The following AGBL4 variants were observed in gnomAD, a reference collection of about 807,000 sequenced individuals.
The protein encoded by AGBL4 is AGBL carboxypeptidase 4, also known as cytosolic carboxypeptidase 6.
A neutral mutation model predicts 66.4 loss-of-function variants in AGBL4; 58 were observed. The observed-to-expected ratio is 0.87, with a 90% confidence interval of 0.71 to 1.09. AGBL4 has a LOEUF of 1.09. Among genes scored for constraint, AGBL4 ranks in the 50% least tolerant of loss-of-function variants. The pLI is 0.00. For synonymous variants in AGBL4, 234 were observed against 222.9 expected (o/e 1.05, Z -0.44); for missense variants, 579 against 631.0 (o/e 0.92, Z 0.88).
At chr1:49,937,997 G>C (rs1654285223) in intron 1 of AGBL4, among the ~76,000 whole-genome samples, 1 of 151,452 alleles carries the variant, frequency 6.6e-6, no homozygotes, top group Admixed American at 6.6e-5. Flanking sequence ...ACTAAAATCA[G>C]AGCAGAACTG....
At chr1:49,201,140 G>A (rs762127491) in intron 4 of AGBL4, among the ~76,000 whole-genome samples, 13 of 152,258 alleles carry the variant, frequency 8.5e-5, no homozygotes, top group Admixed American at 2.6e-4. Flanking sequence ...TATTAGATGG[G>A]CTTGAAAGAT....
intron 1 of AGBL4, among the ~76,000 whole-genome samples, chr1:49,892,050 G>A (rs1250225112): frequency 6.6e-6 from 1 of 152,156 alleles, no homozygotes; most frequent in Non-Finnish European, 1.5e-5. Context: ...CAGAGGGACA[G>A]AGCATGATGG....
Position 48,700,598 on chromosome 1 carries a change from C to T in AGBL4, c.635-37357G>A, listed in dbSNP as rs111431683. Among the ~76,000 whole-genome samples the T allele has an allele frequency of 3.3e-3, 508 of 152,300 alleles. 2 individuals are homozygous for T. The highest frequency in any genetic ancestry group is 0.011 in the African/African-American group (472 of 41,572). On this transcript the variant is annotated intron_variant, in intron 6 of 13. Transcript: ENST00000371839. ...TGTGTGGTCTCAACTGGCTGCCACACTATCTGCATGTCCCTCTGCTGTGTT... is the reference window on the plus strand; with the variant it reads ...TGTGTGGTCTCAACTGGCTGCCACATTATCTGCATGTCCCTCTGCTGTGTT...
intron 2 of AGBL4, among the ~76,000 whole-genome samples, chr1:49,735,412 C>T (rs565637717): frequency 2.7e-5 from 4 of 150,422 alleles, no homozygotes; most frequent in East Asian, 2.0e-4. Context: ...AGAATGCAGT[C>T]GGCCTCTAGA....
At chr1:49,948,830 A>C (rs1010627415) in intron 1 of AGBL4, among the ~76,000 whole-genome samples, 1 of 151,758 alleles carries the variant, frequency 6.6e-6, no homozygotes, top group Admixed American at 6.6e-5. Context: ...ACGGAACTAG[A>C]AAAAACAATT....
At chr1:49,493,594 A>G (rs1647269316) in intron 3 of AGBL4, among the ~76,000 whole-genome samples, 1 of 151,900 alleles carries the variant, frequency 6.6e-6, no homozygotes, top group Non-Finnish European at 1.5e-5. Context: ...AGCAGGACAC[A>G]TTCCAGGAAG....
intron 6 of AGBL4, among the ~76,000 whole-genome samples, chr1:48,719,235 G>A (rs1206844855): frequency 2.0e-5 from 3 of 152,078 alleles, no homozygotes; most frequent in Non-Finnish European, 4.4e-5. Context: ...CACCTCCATG[G>A]GCTGAGTGGT....
chr1:49,973,828 A>C (rs1238729827), intron 1 of AGBL4, among the ~76,000 whole-genome samples: 1 of 151,472 alleles, frequency 6.6e-6, no homozygotes, highest in Non-Finnish European at 1.5e-5. Flanking sequence ...GTGATACTTT[A>C]ACATGATTTT....
intron 5 of AGBL4, among the ~76,000 whole-genome samples, chr1:48,942,923 A>G (rs1656127843): frequency 6.6e-6 from 1 of 152,206 alleles, no homozygotes; most frequent in African/African-American, 2.4e-5. Flanking sequence ...TGGCATTTAG[A>G]TGGTATTGGC....
chr1:49,004,974 C>T (rs901489959), intron 5 of AGBL4, among the ~76,000 whole-genome samples: 5 of 152,142 alleles, frequency 3.3e-5, no homozygotes, highest in African/African-American at 1.2e-4. Flanking sequence ...CTGTTTCTCA[C>T]CTTGCAGTCC....
At chr1:49,586,169 T>G (rs1047916717) in intron 3 of AGBL4, among the ~76,000 whole-genome samples, 3 of 152,188 alleles carry the variant, frequency 2.0e-5, no homozygotes, top group African/African-American at 2.4e-5. Flanking sequence ...TAAAAAACAC[T>G]GTGTGTTAGG....
At chr1:49,041,812 A>T (rs1471155057) in intron 5 of AGBL4, among the ~76,000 whole-genome samples, 2 of 152,064 alleles carry the variant, frequency 1.3e-5, no homozygotes, top group Non-Finnish European at 2.9e-5. Flanking sequence ...TGTCTAGCCT[A>T]ATCTTCCAGT....
chr1:49,195,487 T>C (rs1020829937), intron 4 of AGBL4, among the ~76,000 whole-genome samples: 2 of 152,166 alleles, frequency 1.3e-5, no homozygotes, highest in African/African-American at 4.8e-5. Context: ...GATCCCATTC[T>C]TTTCTGGTTT....
At chr1:49,901,826 G>A (rs1649795478) in intron 1 of AGBL4, among the ~76,000 whole-genome samples, 1 of 152,076 alleles carries the variant, frequency 6.6e-6, no homozygotes. Flanking sequence ...GCACTGTACT[G>A]GTACAAAAAC....
At position 49,340,122 on chromosome 1, in the gene AGBL4, A is replaced by T. The variant is rs191336837; in HGVS notation, c.283-94258T>A. ...GTTCTTTTTTTTCCCTTCCACAGCG[A>T]TCTGCCCTCTGCTCCCATATCTAAT... On this transcript the variant is annotated intron_variant, in intron 3 of 13. Coordinates refer to ENST00000371839, the MANE Select transcript of AGBL4 (RefSeq NM_032785.4). 3.4e-4 allele frequency among the ~76,000 whole-genome samples: 52 copies of T among 151,668 alleles called. No homozygotes were observed. In the East Asian group the frequency reaches 9.1e-3, roughly 27 times the overall value.
chr1:49,277,449 CA>C (rs940139239), intron 3 of AGBL4, among the ~76,000 whole-genome samples: 3 of 152,056 alleles, frequency 2.0e-5, no homozygotes, highest in Non-Finnish European at 4.4e-5. Context: ...TTTGGACAAA[CA>C]AAGTCTTAGG....
intron 6 of AGBL4, among the ~76,000 whole-genome samples, chr1:48,672,393 G>A (rs140812079): frequency 6.6e-6 from 1 of 152,234 alleles, no homozygotes; most frequent in African/African-American, 2.4e-5. Context: ...ATGGATGAGG[G>A]AGCCAAGATA....
At chr1:49,696,475 T>C (rs974341663) in intron 3 of AGBL4, among the ~76,000 whole-genome samples, 6 of 152,018 alleles carry the variant, frequency 3.9e-5, no homozygotes, top group Admixed American at 3.3e-4. Context: ...TGCTCCAAAA[T>C]CCAAAACTTT....
intron 2 of AGBL4, chr1:49,841,895 C>A: frequency 1.6e-6 from 1 of 630,098 alleles, no homozygotes; most frequent in Non-Finnish European, 2.9e-6. Context: ...GGCATGACCC[C>A]TGGGCTGCCT....
Sources: allele counts gnomAD v4.1 joint callset (sites outside exome capture counted in the v4.1 genomes callset), GRCh38; gene constraint gnomAD v4.1.1; transcripts MANE v1.5; gene names NCBI Gene and HGNC (gene_info 2026-07-23, HGNC 2026-07-21).